DMD: variants seen among roughly 807,000 people sequenced by gnomAD.
DMD encodes mutant dystrophin.
A neutral mutation model predicts 330.1 loss-of-function variants in DMD; 63 were observed. The observed-to-expected ratio is 0.19, with a 90% CI of 0.16 to 0.24. The LOEUF (loss-of-function observed/expected upper bound fraction) is 0.24, where lower values mean the gene tolerates loss of function less well. DMD is among the 10% of genes least tolerant of loss of function. The pLI is 1.00. For synonymous variants in DMD, 1,223 were observed against 959.8 expected (o/e 1.27, Z -5.07); for missense variants, 3,344 against 2,684.1 (o/e 1.25, Z -5.43).
At chrX:32,859,086 T>C (rs2081848853) in intron 2 of DMD, among the ~76,000 whole-genome samples, 1 of 111,664 alleles carries the variant, frequency 9.0e-6, no homozygotes, top group Admixed American at 9.5e-5. Flanking sequence ...GCAAATCGTA[T>C]GCACTCAATA....
intron 44 of DMD, among the ~76,000 whole-genome samples, chrX:32,106,681 G>C (rs1378188113): frequency 9.0e-6 from 1 of 111,489 alleles, no homozygotes; most frequent in Non-Finnish European, 1.9e-5. Context: ...ATTTGTATCA[G>C]GATCTCGAAT....
intron 1 of DMD, among the ~76,000 whole-genome samples, chrX:33,249,694 C>CT (rs1327725464): frequency 9.0e-6 from 1 of 111,604 alleles, no homozygotes; most frequent in Non-Finnish European, 1.9e-5. Context: ...TCATGTTGCA[C>CT]TTTTGCAAAC....
intron 50 of DMD, among the ~76,000 whole-genome samples, chrX:31,799,699 C>G (rs968478236): frequency 2.7e-5 from 3 of 111,703 alleles, no homozygotes; most frequent in African/African-American, 9.8e-5. Context: ...CCCAAAAGTC[C>G]AAGTCCAAAG....
chrX:31,896,124 A>G (rs1358648092), intron 47 of DMD, among the ~76,000 whole-genome samples: 2 of 103,072 alleles, frequency 1.9e-5, no homozygotes, highest in Non-Finnish European at 4.0e-5. Context: ...TAGTTATTGT[A>G]CAAGATAACT....
intron 2 of DMD, among the ~76,000 whole-genome samples, chrX:32,934,453 AG>A (rs1393351730): frequency 9.1e-6 from 1 of 110,465 alleles, no homozygotes; most frequent in African/African-American, 3.3e-5. Flanking sequence ...GCTATTCAGG[AG>A]GATTGCTTGA....
intron 2 of DMD, among the ~76,000 whole-genome samples, chrX:32,892,929 T>C (rs1164918295): frequency 9.0e-6 from 1 of 111,544 alleles, no homozygotes. Flanking sequence ...CTTTATCAGA[T>C]ATTTTCATGA....
At chrX:31,892,874 G>A (rs143599571) in intron 47 of DMD, among the ~76,000 whole-genome samples, 3 of 112,105 alleles carry the variant, frequency 2.7e-5, no homozygotes, top group Non-Finnish European at 3.8e-5. Context: ...TGATTGCAAC[G>A]TCAAAATGAT....
At chrX:32,915,313 A>G (rs2087693500) in intron 2 of DMD, among the ~76,000 whole-genome samples, 1 of 111,646 alleles carries the variant, frequency 9.0e-6, no homozygotes, top group South Asian at 3.7e-4. Context: ...TATTTTGCTC[A>G]TATGAATTAT....
chrX:31,741,701 G>A (rs1036157692), intron 51 of DMD, among the ~76,000 whole-genome samples: 14 of 109,006 alleles, frequency 1.3e-4, no homozygotes, highest in Non-Finnish European at 2.5e-4. Flanking sequence ...AACCTGAAGG[G>A]CCCTAGGATT....
At position 32,623,528 on chromosome X, in the gene DMD, A is replaced by ATT. The variant is rs568825537; in HGVS notation, c.1332-9077_1332-9076dup. Among the ~76,000 whole-genome samples, 165 of 92,172 alleles carry ATT rather than the reference A, an allele frequency of 1.8e-3. 1 individual carries two copies. The highest frequency in any genetic ancestry group is 4.0e-3 in the African/African-American group (101 of 25,518). The allele number at this position is 92,172 out of a possible 115,157, so 80.0% of individuals were successfully genotyped here. On this transcript the variant is annotated intron_variant, in intron 11 of 78. Coordinates refer to ENST00000357033, the MANE Select transcript of DMD (RefSeq NM_004006.3). ...CAAGGTAAAGATTTATAATACTAGT[A>ATT]TTTTTTTTTTTTTTTTTGAGACAGG...
At chrX:31,321,607 A>AAAAAAAAG (rs1388525572) in intron 62 of DMD, among the ~76,000 whole-genome samples, 2 of 89,269 alleles carry the variant, frequency 2.2e-5, no homozygotes, top group Non-Finnish European at 4.1e-5. Flanking sequence ...AAAAAAAAAA[A>AAAAAAAAG]AAAGAAAGAA....
intron 52 of DMD, among the ~76,000 whole-genome samples, chrX:31,726,890 G>A (rs750399222): frequency 1.8e-5 from 2 of 111,411 alleles, no homozygotes; most frequent in South Asian, 7.5e-4. Context: ...ATTCATAAAG[G>A]TATTCATTCC....
At chrX:31,531,589 T>G (rs1227856143) in intron 55 of DMD, among the ~76,000 whole-genome samples, 3 of 94,633 alleles carry the variant, frequency 3.2e-5, no homozygotes, top group African/African-American at 4.2e-5. Flanking sequence ...CTTTGTCAGA[T>G]GAGTAGGTTG....
chrX:32,591,881 C>T (rs2054952856), intron 13 of DMD, among the ~76,000 whole-genome samples: 1 of 112,993 alleles, frequency 8.9e-6, no homozygotes. Context: ...TCTCCTCGCT[C>T]CCCGCACTGG....
intron 44 of DMD, among the ~76,000 whole-genome samples, chrX:32,183,667 G>T (rs1427219357): frequency 1.9e-5 from 2 of 105,675 alleles, no homozygotes; most frequent in African/African-American, 6.8e-5. Flanking sequence ...CATATATCAG[G>T]GCAATTTCAA....
intron 44 of DMD, among the ~76,000 whole-genome samples, chrX:32,214,552 C>A (rs953790189): frequency 8.9e-6 from 1 of 111,791 alleles, no homozygotes; most frequent in Non-Finnish European, 1.9e-5. Context: ...CCAGAGCTCA[C>A]ACGTGGCTAG....
chrX:31,998,050 G>A (rs149021147), intron 44 of DMD, among the ~76,000 whole-genome samples: 3,474 of 111,408 alleles, frequency 0.031, 56 homozygotes, highest in Non-Finnish European at 0.049. Flanking sequence ...TCCATGCCTT[G>A]AGAGGGTAAG....
intron 2 of DMD, among the ~76,000 whole-genome samples, chrX:32,987,550 T>C (rs2092876896): frequency 9.0e-6 from 1 of 111,646 alleles, no homozygotes; most frequent in Admixed American, 9.6e-5. Flanking sequence ...TCCTATTTAA[T>C]TGATTTCATT....
chrX:33,020,750 A>T (rs888545498), intron 1 of DMD, among the ~76,000 whole-genome samples: 1 of 111,760 alleles, frequency 8.9e-6, no homozygotes, highest in Non-Finnish European at 1.9e-5. Flanking sequence ...ATAAAAAAAT[A>T]GTCTCCTCTG....
Sources: gnomAD v4.1 joint callset for allele counts (sites outside exome capture counted in the v4.1 genomes callset) on GRCh38, gnomAD v4.1.1 for gene constraint, MANE v1.5 for transcripts, NCBI Gene and HGNC (gene_info 2026-07-23, HGNC 2026-07-21) for gene names.